Variants in TPM4 observed in about 807,000 individuals in gnomAD.
TPM4 encodes tropomyosin 4, also known as tropomyosin alpha-4 chain.
Under a neutral mutation model 35.8 loss-of-function variants are expected in TPM4, and 17 were observed. The ratio of observed to expected loss-of-function variants is 0.47; its 90% confidence interval spans 0.32 to 0.71. The LOEUF (loss-of-function observed/expected upper bound fraction) is 0.71. Among genes scored for constraint, TPM4 ranks in the 30% least tolerant of loss-of-function variants. The pLI is 0.03. For synonymous variants in TPM4, 120 were observed against 122.9 expected, an observed-to-expected ratio of 0.98 and a Z score of 0.15; for missense variants, 240 against 320.9, an observed-to-expected ratio of 0.75 and a Z score of 1.93.
At chr19:16,076,345 C>T, upstream of TPM4, 3 of 1,468,066 alleles carry the variant, frequency 2.0e-6, no homozygotes, top group South Asian at 1.4e-5. Flanking sequence ...CTGTGGCCAG[C>T]GGTGCCGACG....
upstream of TPM4, chr19:16,075,894 T>G: frequency 9.2e-7 from 1 of 1,083,134 alleles, no homozygotes; most frequent in Non-Finnish European, 1.3e-6. Flanking sequence ...GATGGCGTGG[T>G]GCATGCTATC....
rs762107280 is a variant in TPM4 at position 16,067,873 on chromosome 19, C to T, written c.114+135C>T. On this transcript the variant is annotated intron_variant, in intron 2 of 2. Coordinates refer to the TPM4 transcript ENST00000589897. The surrounding 1 kb of genome is among the most constrained non-coding windows in gnomAD (Gnocchi z 4.1). Reference sequence around the variant, plus strand: ...GGCTGATGCTTTGGCGGAGGAAGAGCGAGGGGACCATTGCCTTCCTTGGAT... The same window carrying T: ...GGCTGATGCTTTGGCGGAGGAAGAGTGAGGGGACCATTGCCTTCCTTGGAT... 2.5e-5 allele frequency: 20 copies of T among 791,828 alleles called. No individual in the cohort carries two copies. In the South Asian group the frequency reaches 3.3e-4, roughly 13 times the overall value. The allele number at this position is 791,828 out of a possible 1,614,324, so 49.1% of individuals were successfully genotyped here.
intron 5 of TPM4, among the ~76,000 whole-genome samples, chr19:16,089,612 T>C (rs2090600913): frequency 1.3e-5 from 2 of 151,550 alleles, no homozygotes; most frequent in African/African-American, 4.9e-5. Flanking sequence ...TCATTCTTGC[T>C]CCTGCTTTTG....
At chr19:16,073,519 C>G (rs2090374629), upstream of TPM4, among the ~76,000 whole-genome samples, 1 of 152,158 alleles carries the variant, frequency 6.6e-6, no homozygotes, top group Non-Finnish European at 1.5e-5. Flanking sequence ...ACGGGGGTCG[C>G]AGAGCTTGGA....
chr19:16,082,771 C>T lies in TPM4; in HGVS notation c.266+725C>T, dbSNP rs568726912. Among the ~76,000 whole-genome samples the T allele has an allele frequency of 9.2e-5, 14 of 152,130 alleles. No homozygotes were observed. The East Asian group carries it at 9.7e-4, about 11-fold the overall frequency. On this transcript the variant is annotated intron_variant, in intron 2 of 7. Coordinates refer to ENST00000643579, the MANE Select transcript of TPM4 (RefSeq NM_003290.3). ...CTTTGGGAGGCAGAGGCGGGCAAAT[C>T]GCCTGAGCTCAGGAGTTCAAGACCA... is the stretch of plus-strand genomic sequence containing the variant.
chr19:16,095,401 TGTGGGCTTCTAGGAGCTCCG>T, intron 7 of TPM4: 1 of 1,032,300 alleles, frequency 9.7e-7, no homozygotes, highest in African/African-American at 1.7e-5. Flanking sequence ...CCTACGCCCC[TGTGGGCTTCTAGGAGCTCCG>T]GTGGCCTGCC....
At chr19:16,078,441 G>A (rs1386910702) in intron 1 of TPM4, among the ~76,000 whole-genome samples, 3 of 152,208 alleles carry the variant, frequency 2.0e-5, no homozygotes, top group African/African-American at 4.8e-5. Context: ...GGACTGGAAA[G>A]AGCCCAGATG....
At chr19:16,095,925 ACTT>A (rs1314819976) in intron 7 of TPM4, 1 of 131,394 alleles carries the variant, frequency 7.6e-6, no homozygotes, top group Non-Finnish European at 1.7e-5. Flanking sequence ...TAATTTTTGT[ACTT>A]TTTTTTTTTT....
intron 2 of TPM4, among the ~76,000 whole-genome samples, chr19:16,083,757 C>CT (rs573965261): frequency 0.37 from 44,584 of 120,616 alleles, 8,839 homozygotes; most frequent in East Asian, 0.68. Flanking sequence ...AGATTCATTT[C>CT]TTTTTTTTTT....
chr19:16,076,172 C>T (rs1318603587), upstream of TPM4: 1 of 1,556,256 alleles, frequency 6.4e-7, no homozygotes, highest in African/African-American at 1.4e-5. Context: ...AGGCCTCCGA[C>T]GTACGTGTGC....
At position 16,076,636 on chromosome 19, in the gene TPM4, C is replaced by A. The variant is rs1406774111; in HGVS notation, c.71C>A (p.Ala24Glu). Residue 24 changes from alanine to glutamate, a missense_variant, in exon 1 of 8, where the codon GCG (alanine) becomes GAG (glutamate). Physicochemically the swap from Ala to Glu is moderately radical, Grantham distance 107 (BLOSUM62 -1). Coordinates refer to ENST00000643579, the MANE Select transcript of TPM4 (RefSeq NM_003290.3). ...GCCCTGCAGCAGCAGGCGGACGAGG[C>A]GGAAGACCGCGCGCAGGGCCTGCAG... The part of the protein sequence containing the change: ...IQALQQQADE[A>E]EDRAQGLQRE... The A allele has an allele frequency of 1.4e-6, 2 of 1,454,302 alleles. No homozygotes were observed. Among genetic ancestry groups the A allele is most frequent in the Non-Finnish European group, 1.8e-6 (2 of 1,109,004 alleles). 90.1% of individuals were successfully genotyped at this position (1,454,302 alleles called of 1,614,324 possible).
chr19:16,076,922 C>G (rs947423390), intron 1 of TPM4: 21 of 946,180 alleles, frequency 2.2e-5, no homozygotes, highest in Non-Finnish European at 2.7e-5. Flanking sequence ...GCGCCGCCTC[C>G]GGGTCGGGCG....
intron 2 of TPM4, among the ~76,000 whole-genome samples, chr19:16,083,272 C>T (rs534044374): frequency 3.4e-4 from 51 of 152,160 alleles, no homozygotes; most frequent in African/African-American, 1.2e-3. Context: ...GGTGAAACCC[C>T]GTCTCTATTA....
chr19:16,088,648 C>T (rs1010315913), intron 4 of TPM4: 6 of 1,032,704 alleles, frequency 5.8e-6, no homozygotes, highest in East Asian at 8.5e-5. Context: ...AAATCCACTC[C>T]GGGCTTCCTT....
Position 16,076,615 on chromosome 19 carries a change from T to C in TPM4, c.50T>C (p.Leu17Pro). The change falls in exon 1 of 8, where the codon CTG becomes CCG. Residue 17 changes from leucine to proline, a missense_variant. Coordinates refer to ENST00000643579, the MANE Select transcript of TPM4 (RefSeq NM_003290.3). ...LEAVKRKIQA[L>P]QQQADEAEDR... ...GCGGTGAAACGCAAGATCCAGGCCC[T>C]GCAGCAGCAGGCGGACGAGGCGGAA... is the stretch of plus-strand genomic sequence containing the variant. The C allele has an allele frequency of 6.8e-7, 1 of 1,463,708 alleles. No homozygotes were observed. Among genetic ancestry groups the C allele is most frequent in the African/African-American group, 1.5e-5 (1 of 68,068 alleles). 90.7% of individuals were successfully genotyped at this position (1,463,708 alleles called of 1,614,324 possible). A position where few individuals can be genotyped will look rare whatever the true frequency, so the allele number is the denominator to read the frequency against.
chr19:16,088,958 C>T, intron 4 of TPM4, 87 bp from the exon 5 acceptor site: 7 of 1,598,604 alleles, frequency 4.4e-6, no homozygotes, highest in Non-Finnish European at 5.1e-6. Context: ...GTAGGTTTCT[C>T]CTTTGGAAAA....
chr19:16,081,735 A>C, intron 1 of TPM4, 178 bp from the exon 2 acceptor site: 1 of 774,912 alleles, frequency 1.3e-6, no homozygotes, highest in Non-Finnish European at 1.9e-6. Flanking sequence ...TTTTTCCCAG[A>C]CATTTTCCGG....
At chr19:16,073,364 A>C (rs567462611), upstream of TPM4, among the ~76,000 whole-genome samples, 1 of 152,338 alleles carries the variant, frequency 6.6e-6, no homozygotes, top group Non-Finnish European at 1.5e-5. Flanking sequence ...GCTGTAGGTC[A>C]GGGTTGACCT....
chr19:16,079,205 A>C (rs2090450943), intron 1 of TPM4, among the ~76,000 whole-genome samples: 1 of 152,182 alleles, frequency 6.6e-6, no homozygotes. Flanking sequence ...CATAAGGGCT[A>C]CTCACTTCTT....
Sources: allele counts gnomAD v4.1 joint callset (sites outside exome capture counted in the v4.1 genomes callset), GRCh38; gene constraint gnomAD v4.1.1; non-coding constraint Gnocchi (gnomAD v3.1); transcripts MANE v1.5; gene names NCBI Gene and HGNC (gene_info 2026-07-23, HGNC 2026-07-21).